The following CORIN variants were observed in gnomAD, a reference collection of about 807,000 sequenced individuals.
CORIN encodes corin, serine peptidase.
CORIN carries 117 observed loss-of-function variants against 125.3 expected under a neutral mutation model. The observed-to-expected ratio is 0.93, with a 90% confidence interval of 0.80 to 1.09. CORIN has a LOEUF of 1.09. Among genes scored for constraint, CORIN ranks in the 50% least tolerant of loss-of-function variants. The pLI is 0.00. For missense variants in CORIN, 1,253 were observed against 1,306.7 expected (o/e 0.96, Z 0.63); for synonymous variants, 450 against 466.4 (o/e 0.96, Z 0.45).
At chr4:47,779,276 G>T (rs939368274) in intron 3 of CORIN, among the ~76,000 whole-genome samples, 2 of 152,034 alleles carry the variant, frequency 1.3e-5, no homozygotes. Flanking sequence ...AGACCAGCCT[G>T]GCCAACATCC....
At chr4:47,691,761 A>C (rs189275245) in intron 6 of CORIN, among the ~76,000 whole-genome samples, 16 of 152,220 alleles carry the variant, frequency 1.1e-4, no homozygotes, top group African/African-American at 3.6e-4. Context: ...ATTATTCCAG[A>C]CTCAGATACT....
At chr4:47,599,853 G>A (rs962040603) in intron 21 of CORIN, among the ~76,000 whole-genome samples, 4 of 152,072 alleles carry the variant, frequency 2.6e-5, no homozygotes, top group African/African-American at 9.7e-5. Context: ...GCTTCCCCAG[G>A]GCAGCCAGGT....
chr4:47,640,282 A>G (rs1192062690), intron 16 of CORIN, among the ~76,000 whole-genome samples: 2 of 152,200 alleles, frequency 1.3e-5, no homozygotes, highest in Non-Finnish European at 2.9e-5. Flanking sequence ...CAAAATGTAT[A>G]TCCATTTAAT....
intron 5 of CORIN, among the ~76,000 whole-genome samples, chr4:47,741,147 C>A (rs1313135620): frequency 6.6e-6 from 1 of 151,782 alleles, no homozygotes; most frequent in African/African-American, 2.4e-5. Context: ...AAAACAGCCC[C>A]CGAAGAATGT....
intron 5 of CORIN, among the ~76,000 whole-genome samples, chr4:47,729,925 G>C (rs543569303): frequency 6.6e-6 from 1 of 152,094 alleles, no homozygotes. Context: ...TGGGTGCTCC[G>C]GCTCCAGGGA....
chr4:47,686,640 A>G (rs1306752514), intron 6 of CORIN, among the ~76,000 whole-genome samples: 1 of 152,128 alleles, frequency 6.6e-6, no homozygotes, highest in African/African-American at 2.4e-5. Context: ...GATCTTTTTG[A>G]TGTTTTTTTG....
chr4:47,779,938 A>G (rs1730466628), intron 3 of CORIN, among the ~76,000 whole-genome samples: 2 of 152,234 alleles, frequency 1.3e-5, no homozygotes, highest in African/African-American at 4.8e-5. Context: ...TTTAGACAGC[A>G]TCATGGTCAT....
At chr4:47,753,047 A>G (rs963403893) in intron 4 of CORIN, among the ~76,000 whole-genome samples, 80 of 152,266 alleles carry the variant, frequency 5.3e-4, no homozygotes, top group African/African-American at 1.8e-3. Context: ...GGTTCTTTCT[A>G]TTTTCCCTAA....
intron 4 of CORIN, among the ~76,000 whole-genome samples, chr4:47,746,646 T>C (rs1043265075): frequency 7.9e-5 from 12 of 152,088 alleles, no homozygotes; most frequent in Non-Finnish European, 1.3e-4. Flanking sequence ...GCGATTCTCC[T>C]GCCACAGCTT....
chr4:47,816,973 T>C (rs1374862147), intron 1 of CORIN, among the ~76,000 whole-genome samples: 1 of 152,168 alleles, frequency 6.6e-6, no homozygotes, highest in Non-Finnish European at 1.5e-5. Context: ...AATCATCTAT[T>C]GAGCAATACG....
chr4:47,630,866 C>CA (rs1420990392), intron 16 of CORIN, among the ~76,000 whole-genome samples: 19 of 152,106 alleles, frequency 1.2e-4, no homozygotes, highest in African/African-American at 4.6e-4. Flanking sequence ...AGATGGGACC[C>CA]AAAATCTGTC....
At position 47,674,472 on chromosome 4, in the gene CORIN, T is replaced by C. The variant is rs16860547; in HGVS notation, c.1278A>G (p.Gln426=). ...VIQTSCQEGD[Q]RCLYNPCLDS... is the part of the protein sequence containing the mutation. ...CAAGGCAGGGATTGTAGAGGCATCTTTGGTCTCCTTCTTGACATGAAGTCT... is the reference window on the plus strand; with the variant it reads ...CAAGGCAGGGATTGTAGAGGCATCTCTGGTCTCCTTCTTGACATGAAGTCT... Residue 426 remains glutamine, a synonymous_variant, in exon 10 of 22, where the codon CAA becomes CAG. Transcript: ENST00000273857. The C allele has an allele frequency of 7.7e-3, 12,402 of 1,613,666 alleles. 778 individuals carry two copies. The African/African-American group carries it at 0.14, about 18-fold the overall frequency.
In CORIN at chr4:47,683,677, T is replaced by C. The variant is rs774688864; in HGVS notation, c.1021+54A>G. 4 of 1,323,002 alleles carry C rather than the reference T, an allele frequency of 3.0e-6. No homozygotes were observed. The South Asian group carries it at 5.1e-5, about 17-fold the overall frequency. The allele number at this position is 1,323,002 out of a possible 1,614,324, so 82.0% of individuals were successfully genotyped here. On this transcript the variant is annotated intron_variant, in intron 7 of 21. Coordinates refer to ENST00000273857, the MANE Select transcript of CORIN (RefSeq NM_006587.4). The stretch of plus-strand genomic sequence containing the variant: ...CACATAATGAACTGTAAGTTTTTGG[T>C]TATAAATTTCTATGATTTTAAATTA...
chr4:47,786,583 C>G, intron 3 of CORIN, 142 bp downstream of exon 3: 1 of 656,716 alleles, frequency 1.5e-6, no homozygotes, highest in Non-Finnish European at 2.6e-6. Flanking sequence ...ATAGGGCACT[C>G]AGCTACGCTT....
Position 47,837,929 on chromosome 4 carries a change from G to T in CORIN, c.21C>A (p.Leu7=), listed in dbSNP as rs754570059. 9.9e-6 allele frequency: 16 copies of T among 1,613,390 alleles called. No homozygotes were observed. The highest frequency in any genetic ancestry group is 1.4e-5 in the Non-Finnish European group (16 of 1,180,030). ...CTCTGCGGCAGCGCTCTTCCGGAGC[G>T]AGGGCAGGAGACTGTTTCATGGATA... The part of the protein sequence containing the change: MKQSPA[L]APEERCRRAG... Residue 7 remains leucine (L), a synonymous_variant, in exon 1 of 22, where the codon CTC becomes CTA. Transcript: ENST00000273857.
At position 47,632,681 on chromosome 4, in the gene CORIN, G is replaced by A. The variant is rs1353551205; in HGVS notation, c.2199-6160C>T. 2.0e-5 allele frequency among the ~76,000 whole-genome samples: 3 copies of A among 151,104 alleles called. No individual in the cohort carries two copies. The Admixed American group carries it at 2.0e-4, about 10-fold the overall frequency. ...TGAGCTTATTTTTCTAGTTAACTCAGTATTTTAAAAACACTTTTTATTGCA... is the reference window on the plus strand; with the variant it reads ...TGAGCTTATTTTTCTAGTTAACTCAATATTTTAAAAACACTTTTTATTGCA... On this transcript the variant is annotated intron_variant, in intron 16 of 21. Transcript: ENST00000273857.
intron 3 of CORIN, among the ~76,000 whole-genome samples, chr4:47,777,242 G>C (rs896380830): frequency 1.3e-5 from 2 of 152,160 alleles, no homozygotes; most frequent in Middle Eastern, 3.2e-3. Context: ...TCCAAAATTT[G>C]AGACATCTCA....
intron 19 of CORIN, among the ~76,000 whole-genome samples, chr4:47,613,271 A>G (rs1013865486): frequency 6.6e-6 from 1 of 152,092 alleles, no homozygotes; most frequent in Non-Finnish European, 1.5e-5. Context: ...TGGCCAACAT[A>G]GTGAAACCCC....
intron 5 of CORIN, among the ~76,000 whole-genome samples, chr4:47,698,763 C>T (rs760190740): frequency 8.6e-5 from 13 of 152,044 alleles, no homozygotes; most frequent in Non-Finnish European, 1.9e-4. Flanking sequence ...CCATGTACCA[C>T]GTAACAACAT....
Sources: allele counts gnomAD v4.1 joint callset (sites outside exome capture counted in the v4.1 genomes callset), GRCh38; gene constraint gnomAD v4.1.1; transcripts MANE v1.5; gene names NCBI Gene and HGNC (gene_info 2026-07-23, HGNC 2026-07-21).